Variants in MOXD1 observed in about 807,000 individuals in gnomAD.
The protein encoded by MOXD1 is monooxygenase DBH like 1.
MOXD1 carries 62 observed loss-of-function variants against 66.6 expected under a neutral mutation model. The ratio of observed to expected loss-of-function variants is 0.93; its 90% CI spans 0.76 to 1.15. The LOEUF (loss-of-function observed/expected upper bound fraction) is 1.15. MOXD1 is among the 50% of genes most tolerant of loss of function. The pLI is 0.00. For missense variants in MOXD1, 847 were observed against 754.6 expected, an observed-to-expected ratio of 1.12 and a Z score of -1.44; for synonymous variants, 303 against 281.9, an observed-to-expected ratio of 1.07 and a Z score of -0.75.
chr6:132,324,812 A>G (rs1055933490), intron 6 of MOXD1, among the ~76,000 whole-genome samples: 5 of 152,184 alleles, frequency 3.3e-5, no homozygotes. Context: ...TGCAGTAACT[A>G]ACAGATTGAT....
intron 1 of MOXD1, chr6:132,375,070 A>G (rs1776351102): frequency 3.8e-6 from 2 of 520,746 alleles, no homozygotes; most frequent in African/African-American, 3.8e-5. Context: ...TGGAAAAATT[A>G]AAAGAGGGAC....
chr6:132,394,520 G>A (rs376289703), intron 1 of MOXD1, among the ~76,000 whole-genome samples: 8 of 152,140 alleles, frequency 5.3e-5, no homozygotes, highest in African/African-American at 9.6e-5. Flanking sequence ...TGATTTTAAA[G>A]AAGCTCAGTA....
chr6:132,391,951 A>G, intron 1 of MOXD1: 1 of 434,516 alleles, frequency 2.3e-6, no homozygotes. Context: ...TTACTAATGC[A>G]CAAAGCACGA....
intron 10 of MOXD1, among the ~76,000 whole-genome samples, chr6:132,301,676 T>C (rs944654300): frequency 6.6e-6 from 1 of 152,084 alleles, no homozygotes; most frequent in African/African-American, 2.4e-5. Context: ...ACACTCTCCA[T>C]CCATCAAGCA....
intron 4 of MOXD1, among the ~76,000 whole-genome samples, chr6:132,362,734 G>T (rs996307327): frequency 2.6e-5 from 4 of 152,092 alleles, no homozygotes; most frequent in Admixed American, 1.3e-4. Context: ...AAAGCTTTTG[G>T]CTTGCTTCCA....
chr6:132,391,183 T>G (rs1472348742), intron 1 of MOXD1: 1 of 151,226 alleles, frequency 6.6e-6, no homozygotes, highest in African/African-American at 2.4e-5. Context: ...ATATGAGCTC[T>G]TAAGAGGCAG....
chr6:132,322,244 G>A (rs1775091497), intron 8 of MOXD1, among the ~76,000 whole-genome samples: 1 of 152,148 alleles, frequency 6.6e-6, no homozygotes, highest in African/African-American at 2.4e-5. Context: ...AGCTTTATCA[G>A]ATAAAAGAAT....
intron 4 of MOXD1, among the ~76,000 whole-genome samples, chr6:132,349,160 T>C (rs1156966512): frequency 1.4e-5 from 2 of 146,684 alleles, no homozygotes; most frequent in Non-Finnish European, 3.0e-5. Flanking sequence ...GTCCCCAAAG[T>C]CCATTGTATC....
chr6:132,349,410 T>TATATATACAC, intron 4 of MOXD1, among the ~76,000 whole-genome samples: 1 of 82,662 alleles, frequency 1.2e-5, no homozygotes, highest in African/African-American at 7.4e-5. Flanking sequence ...TATATACATA[T>TATATATACAC]ATATATATAT....
At chr6:132,401,032 G>C in intron 1 of MOXD1, 131 bp downstream of exon 1, 1 of 1,192,882 alleles carries the variant, frequency 8.4e-7, no homozygotes, top group Non-Finnish European at 1.1e-6. Flanking sequence ...GAGTGAGCGT[G>C]GCCGGGGGCG....
At chr6:132,315,056 C>T (rs1774910888) in intron 10 of MOXD1, among the ~76,000 whole-genome samples, 1 of 152,186 alleles carries the variant, frequency 6.6e-6, no homozygotes, top group South Asian at 2.1e-4. Context: ...ATAAGAGTGA[C>T]TCATTGTGCC....
At chr6:132,321,623 TC>T (rs1017450849) in intron 8 of MOXD1, among the ~76,000 whole-genome samples, 3 of 152,144 alleles carry the variant, frequency 2.0e-5, no homozygotes, top group South Asian at 2.1e-4. Context: ...AAATTTGACC[TC>T]CCTGCACGCC....
chr6:132,392,435 C>T, intron 1 of MOXD1: 1 of 1,316,204 alleles, frequency 7.6e-7, no homozygotes. Context: ...TTCACACAAA[C>T]TCAGCATTCA....
At chr6:132,324,221 C>T in intron 6 of MOXD1, 124 bp from the exon 7 acceptor site, 1 of 938,176 alleles carries the variant, frequency 1.1e-6, no homozygotes, top group South Asian at 1.6e-5. Context: ...ATTTATTTTC[C>T]ATAAACTGTC....
intron 1 of MOXD1, among the ~76,000 whole-genome samples, chr6:132,376,689 A>G (rs1214016825): frequency 1.0e-5 from 1 of 96,496 alleles, no homozygotes; most frequent in Non-Finnish European, 1.7e-5. Context: ...AATTTTTTGT[A>G]TTTTTAGTAG....
intron 1 of MOXD1, among the ~76,000 whole-genome samples, chr6:132,386,552 A>G (rs1776650062): frequency 6.6e-6 from 1 of 151,454 alleles, no homozygotes; most frequent in Admixed American, 6.6e-5. Flanking sequence ...AGGCAGGTGA[A>G]AAAGCAATAT....
rs559815001 is a variant in MOXD1 at position 132,368,491 on chromosome 6, T to C, written c.663+4117A>G. Among the ~76,000 whole-genome samples, 8 of 152,186 alleles carry C rather than the reference T, an allele frequency of 5.3e-5. No individual in the cohort carries two copies. The South Asian group carries it at 8.3e-4, about 16-fold the overall frequency. ...CAAGCCACAATTTTCAACATTTTGT[T>C]AAGAATCAAAATACAAATCAATAAA... On this transcript the variant is annotated intron_variant, in intron 4 of 11. Coordinates refer to ENST00000367963, the MANE Select transcript of MOXD1 (RefSeq NM_015529.4).
intron 10 of MOXD1, among the ~76,000 whole-genome samples, chr6:132,303,878 T>TATATAC (rs1419197015): frequency 2.2e-5 from 1 of 45,658 alleles, no homozygotes; most frequent in Non-Finnish European, 4.1e-5. Flanking sequence ...TATATATATA[T>TATATAC]ACATATATAC....
intron 10 of MOXD1, among the ~76,000 whole-genome samples, chr6:132,307,369 C>T (rs1162635705): frequency 6.6e-6 from 1 of 152,150 alleles, no homozygotes; most frequent in African/African-American, 2.4e-5. Context: ...ATTCATAAAA[C>T]AAGTTCTTAG....
Sources: allele counts gnomAD v4.1 joint callset (sites outside exome capture counted in the v4.1 genomes callset), GRCh38; gene constraint gnomAD v4.1.1; transcripts MANE v1.5; gene names NCBI Gene and HGNC (gene_info 2026-07-23, HGNC 2026-07-21).